The following ZNF407 variants were observed in gnomAD, a reference collection of about 807,000 sequenced individuals.
ZNF407 encodes the protein zinc finger protein 407.
ZNF407 carries 17 observed loss-of-function variants against 131.2 expected under a neutral mutation model. The observed-to-expected ratio is 0.13, with a 90% CI of 0.09 to 0.19. The LOEUF is 0.19. ZNF407 is among the 10% of genes least tolerant of loss of function. ZNF407 has a pLI of 1.00. For missense variants in ZNF407, 2,681 were observed against 2,830.6 expected (o/e 0.95, Z 1.20); for synonymous variants, 1,156 against 1,062.0 (o/e 1.09, Z -1.72).
Position 75,064,698 on chromosome 18 carries a change from C to A in ZNF407, c.*230C>A. On this transcript the variant is annotated 3_prime_UTR_variant, in exon 9 of 9. Coordinates refer to ENST00000299687, the MANE Select transcript of ZNF407 (RefSeq NM_017757.3). ...CAGGCTGCCAAGTGCAGGGGAGGGCCGGGCGCAGGCCGCACAGGGAGCTCC... is the reference window on the plus strand; with the variant it reads ...CAGGCTGCCAAGTGCAGGGGAGGGCAGGGCGCAGGCCGCACAGGGAGCTCC... 2.3e-6 allele frequency: 1 copy of A among 437,164 alleles called. No homozygotes were observed. Among genetic ancestry groups the A allele is most frequent in the Non-Finnish European group, 4.0e-6 (1 of 249,270 alleles). The allele number at this position is 437,164 out of a possible 1,614,324, so 27.1% of individuals were successfully genotyped here. A position where few individuals can be genotyped will look rare whatever the true frequency, so the allele number is the denominator to read the frequency against.
At chr18:74,609,870 A>G (rs1982979360) in intron 1 of ZNF407, among the ~76,000 whole-genome samples, 1 of 152,206 alleles carries the variant, frequency 6.6e-6, no homozygotes. Flanking sequence ...CACCCTAAGT[A>G]TCCTGTGGCT....
intron 4 of ZNF407, among the ~76,000 whole-genome samples, chr18:74,860,746 G>T (rs1970926740): frequency 6.6e-6 from 1 of 151,942 alleles, no homozygotes; most frequent in South Asian, 2.1e-4. Flanking sequence ...GACTTTTTCA[G>T]CATTCTTTCA....
intron 8 of ZNF407, among the ~76,000 whole-genome samples, chr18:74,967,199 A>G (rs1972419351): frequency 6.6e-6 from 1 of 152,204 alleles, no homozygotes; most frequent in East Asian, 1.9e-4. Flanking sequence ...GGCTGCAGTA[A>G]TTGTGCTGCT....
chr18:74,765,264 G>T (rs1477038756), intron 3 of ZNF407, among the ~76,000 whole-genome samples: 2 of 151,946 alleles, frequency 1.3e-5, no homozygotes, highest in Non-Finnish European at 2.9e-5. Flanking sequence ...TTCTGGGTTG[G>T]TTGTATTTGA....
chr18:74,797,879 A>G lies in ZNF407; in HGVS notation c.4877+16377A>G, dbSNP rs1206446088. 2.6e-5 allele frequency among the ~76,000 whole-genome samples: 4 copies of G among 151,518 alleles called. No individual in the cohort carries two copies. In the East Asian group the frequency reaches 5.8e-4, roughly 22 times the overall value. ...TATTTCATTAATTAAGGTTACAACT[A>G]TCATATTAATGGGAAAACAATTAAG... On this transcript the variant is annotated intron_variant, in intron 4 of 8. Transcript: ENST00000299687.
At chr18:74,884,690 C>T (rs1346755191) in intron 6 of ZNF407, among the ~76,000 whole-genome samples, 2 of 152,064 alleles carry the variant, frequency 1.3e-5, no homozygotes, top group East Asian at 3.9e-4. Flanking sequence ...ATATATATGA[C>T]ATTATTCCTT....
chr18:75,030,812 G>A (rs1973230861), intron 8 of ZNF407, among the ~76,000 whole-genome samples: 2 of 152,300 alleles, frequency 1.3e-5, no homozygotes, highest in African/African-American at 4.8e-5. Flanking sequence ...CCACCCTGCT[G>A]CTGTCTAAGG....
intron 3 of ZNF407, among the ~76,000 whole-genome samples, chr18:74,772,859 T>C (rs1969390644): frequency 6.6e-6 from 1 of 152,162 alleles, no homozygotes; most frequent in African/African-American, 2.4e-5. Context: ...TTTGAACTAG[T>C]TCATTTAAAA....
chr18:74,895,240 G>A (rs1971438641), intron 7 of ZNF407, among the ~76,000 whole-genome samples: 1 of 151,236 alleles, frequency 6.6e-6, no homozygotes, highest in Non-Finnish European at 1.5e-5. Context: ...TTGGTGAGGG[G>A]AAGTCAAAAG....
chr18:74,645,637 T>TTGTG (rs35047949), intron 3 of ZNF407, among the ~76,000 whole-genome samples: 2,947 of 145,270 alleles, frequency 0.02, 68 homozygotes, highest in African/African-American at 0.061. Flanking sequence ...GTAAAACTCT[T>TTGTG]TGTGTGTGTG....
intron 7 of ZNF407, among the ~76,000 whole-genome samples, chr18:74,919,698 G>A (rs1424695600): frequency 6.6e-6 from 1 of 152,218 alleles, no homozygotes; most frequent in Non-Finnish European, 1.5e-5. Flanking sequence ...AAGGAAAACA[G>A]CTCCGCGTGT....
At position 74,632,168 on chromosome 18, in the gene ZNF407, C is replaced by T. The variant is rs769719263; in HGVS notation, c.1149C>T (p.Asp383=). Residue 383 remains aspartate, a synonymous_variant, in exon 2 of 9, where the codon GAC becomes GAT. Transcript: ENST00000299687. ...CTGAAAACCAGAGTAGAAAGCTAGA[C>T]ACCTTAGTAACCTCAGAGGGTCTCT... ...QNPENQSRKL[D]TLVTSEGLLE... 1.2e-6 allele frequency: 2 copies of T among 1,613,842 alleles called. No individual in the cohort carries two copies. Among genetic ancestry groups the T allele is most frequent in the Admixed American group, 1.7e-5 (1 of 60,000 alleles).
intron 7 of ZNF407, among the ~76,000 whole-genome samples, chr18:74,897,313 G>T (rs1339716594): frequency 3.3e-5 from 5 of 152,116 alleles, no homozygotes; most frequent in African/African-American, 9.7e-5. Context: ...ACTTTTTGTT[G>T]ATCAGTTACA....
chr18:74,957,214 C>T (rs777875575), intron 8 of ZNF407, among the ~76,000 whole-genome samples: 12 of 152,006 alleles, frequency 7.9e-5, no homozygotes, highest in Non-Finnish European at 1.3e-4. Flanking sequence ...TCTCATGCCC[C>T]GTGAGGTTGT....
chr18:74,692,262 C>CT (rs1967243101), intron 3 of ZNF407, among the ~76,000 whole-genome samples: 1 of 152,068 alleles, frequency 6.6e-6, no homozygotes, highest in Non-Finnish European at 1.5e-5. Flanking sequence ...TAAGGTTTTG[C>CT]TGGTGGTACC....
At chr18:74,784,194 G>A (rs1033887795) in intron 4 of ZNF407, among the ~76,000 whole-genome samples, 1 of 152,088 alleles carries the variant, frequency 6.6e-6, no homozygotes, top group East Asian at 1.9e-4. Flanking sequence ...ACTTTTGCAA[G>A]CTTGCTGTAT....
chr18:75,012,262 CATA>C (rs1972983189), intron 8 of ZNF407, among the ~76,000 whole-genome samples: 2 of 149,818 alleles, frequency 1.3e-5, no homozygotes, highest in Non-Finnish European at 3.0e-5. Context: ...CTGCTATACA[CATA>C]GTGTATGTAC....
chr18:74,985,950 T>C (rs539403469), intron 8 of ZNF407, among the ~76,000 whole-genome samples: 2 of 152,314 alleles, frequency 1.3e-5, no homozygotes, highest in Non-Finnish European at 1.5e-5. Context: ...GAACTTCAGT[T>C]ATAATCTTTG....
chr18:74,775,069 A>G (rs1018787411), intron 3 of ZNF407, among the ~76,000 whole-genome samples: 6 of 152,210 alleles, frequency 3.9e-5, no homozygotes, highest in African/African-American at 1.4e-4. Context: ...AGAACAGTTC[A>G]CAATTAAAAA....
Sources: allele counts gnomAD v4.1 joint callset (sites outside exome capture counted in the v4.1 genomes callset), GRCh38; gene constraint gnomAD v4.1.1; transcripts MANE v1.5; gene names NCBI Gene and HGNC (gene_info 2026-07-23, HGNC 2026-07-21).